Variants in NDUFA5 observed in about 807,000 individuals in gnomAD.
The protein encoded by NDUFA5 is NADH dehydrogenase [ubiquinone] 1 alpha subcomplex subunit 5.
A neutral mutation model predicts 19.8 loss-of-function variants in NDUFA5; 11 were observed. That is an observed-to-expected ratio of 0.56 (90% CI 0.35 to 0.92). NDUFA5 has a LOEUF of 0.92. Among genes scored for constraint, NDUFA5 ranks in the 40% least tolerant of loss-of-function variants. The pLI is 0.01. For missense variants in NDUFA5, 109 were observed against 134.2 expected, an observed-to-expected ratio of 0.81 and a Z score of 0.93; for synonymous variants, 47 against 46.8, an observed-to-expected ratio of 1.00 and a Z score of -0.01.
upstream of NDUFA5, among the ~76,000 whole-genome samples, chr7:123,561,787 G>A (rs1306494434): frequency 4.6e-5 from 7 of 151,860 alleles, no homozygotes; most frequent in Admixed American, 4.6e-4. Context: ...TAGTAGAGAC[G>A]GGGTTTCACC....
chr7:123,540,260 T>C lies in NDUFA5; in HGVS notation c.*1859A>G, dbSNP rs1797882326. On this transcript the variant is annotated 3_prime_UTR_variant, in exon 5 of 5. Coordinates refer to ENST00000355749, the MANE Select transcript of NDUFA5 (RefSeq NM_005000.5). Reference sequence around the variant, plus strand: ...AGTCTCAACAAACATTAGCTATTATTGTTATAATATTATTTTTACAATGAC... The same window carrying C: ...AGTCTCAACAAACATTAGCTATTATCGTTATAATATTATTTTTACAATGAC... The C allele has an allele frequency of 6.6e-6, 1 of 152,176 alleles. No individual in the cohort carries two copies. Among genetic ancestry groups the C allele is most frequent in the African/African-American group, 2.4e-5 (1 of 41,436 alleles). The allele number at this position is 152,176 out of a possible 1,614,324, so 9.4% of individuals were successfully genotyped here.
chr7:123,584,029 A>C, the NDUFA5 span, among the ~76,000 whole-genome samples: 3 of 151,844 alleles, frequency 2.0e-5, no homozygotes, highest in East Asian at 3.9e-4. Flanking sequence ...TCCCTTAAAC[A>C]TCTCTATTTT....
At chr7:123,579,659 A>G in the NDUFA5 span, among the ~76,000 whole-genome samples, 5 of 152,096 alleles carry the variant, frequency 3.3e-5, no homozygotes, top group Admixed American at 1.3e-4. Flanking sequence ...GCAAATCTAT[A>G]ACTCCTTCTG....
the NDUFA5 span, among the ~76,000 whole-genome samples, chr7:123,597,294 A>G: frequency 6.6e-6 from 1 of 152,214 alleles, no homozygotes; most frequent in African/African-American, 2.4e-5. Flanking sequence ...CAGATCAATC[A>G]TGATGGTATC....
chr7:123,597,692 G>C, the NDUFA5 span, among the ~76,000 whole-genome samples: 2 of 152,140 alleles, frequency 1.3e-5, no homozygotes, highest in Admixed American at 6.6e-5. Context: ...ATTAGAAGAC[G>C]TGGTGGCACA....
the NDUFA5 span, among the ~76,000 whole-genome samples, chr7:123,593,331 T>C: frequency 3.3e-5 from 5 of 152,194 alleles, no homozygotes; most frequent in Non-Finnish European, 4.4e-5. Context: ...TAGCTGGTTA[T>C]TTTGCCCGTT....
chr7:123,538,925 A>T lies in NDUFA5; in HGVS notation c.*3194T>A, dbSNP rs937817652. 8 of 152,266 alleles carry T rather than the reference A, an allele frequency of 5.3e-5. No homozygotes were observed. The highest frequency in any genetic ancestry group is 1.9e-4 in the African/African-American group (8 of 41,468). 9.4% of individuals were successfully genotyped at this position (152,266 alleles called of 1,614,324 possible). A position where few individuals can be genotyped will look rare whatever the true frequency, so the allele number is the denominator to read the frequency against. On this transcript the variant is annotated 3_prime_UTR_variant, in exon 5 of 5. Coordinates refer to ENST00000355749, the MANE Select transcript of NDUFA5 (RefSeq NM_005000.5). ...TCCCTTTTAAAAAAGATACATTCAT[A>T]AACATTGTTATTGGCTTAATTAGCT... is the stretch of plus-strand genomic sequence containing the variant.
In NDUFA5 at chr7:123,540,379, T is replaced by G. The variant is rs1193182310; in HGVS notation, c.*1740A>C. 6.6e-6 allele frequency: 1 copy of G among 152,116 alleles called. No homozygotes were observed. The highest frequency in any genetic ancestry group is 1.5e-5 in the Non-Finnish European group (1 of 68,010). The allele number at this position is 152,116 out of a possible 1,614,324, so 9.4% of individuals were successfully genotyped here. A position where few individuals can be genotyped will look rare whatever the true frequency, so the allele number is the denominator to read the frequency against. On this transcript the variant is annotated 3_prime_UTR_variant, in exon 5 of 5. Coordinates refer to ENST00000355749, the MANE Select transcript of NDUFA5 (RefSeq NM_005000.5). ...AACACTGTTGGTGAAACATAAAAGATGCCCAAGAATCATGGCAGATACGGG... is the reference window on the plus strand; with the variant it reads ...AACACTGTTGGTGAAACATAAAAGAGGCCCAAGAATCATGGCAGATACGGG...
the NDUFA5 span, among the ~76,000 whole-genome samples, chr7:123,585,624 A>C: frequency 6.8e-6 from 1 of 145,996 alleles, no homozygotes; most frequent in Non-Finnish European, 1.5e-5. Flanking sequence ...ATCACCTTAC[A>C]TAGTTACTAT....
At chr7:123,591,033 T>A in the NDUFA5 span, among the ~76,000 whole-genome samples, 4 of 152,176 alleles carry the variant, frequency 2.6e-5, no homozygotes, top group Non-Finnish European at 4.4e-5. Context: ...TAAGGTGGAT[T>A]CCTAGGTATT....
At chr7:123,570,040 T>C in the NDUFA5 span, among the ~76,000 whole-genome samples, 1 of 144,718 alleles carries the variant, frequency 6.9e-6, no homozygotes. Context: ...TTTTTTTTTT[T>C]TTTTTTTTTT....
intron 3 of NDUFA5, chr7:123,550,162 G>C: frequency 5.0e-6 from 1 of 200,786 alleles, no homozygotes. Flanking sequence ...GATCAAGATT[G>C]ATATATCCAA....
chr7:123,584,274 T>A, the NDUFA5 span, among the ~76,000 whole-genome samples: 1 of 131,990 alleles, frequency 7.6e-6, no homozygotes, highest in African/African-American at 3.0e-5. Context: ...ATCGTGCCAC[T>A]GCACTCAGCC....
chr7:123,546,947 C>T (rs2116092371), intron 3 of NDUFA5: 1 of 372,006 alleles, frequency 2.7e-6, no homozygotes, highest in Non-Finnish European at 5.2e-6. Context: ...CTGAATTATC[C>T]ATATAGTCCC....
At chr7:123,565,396 TACACACACACAC>T in the NDUFA5 span, among the ~76,000 whole-genome samples, 3 of 148,250 alleles carry the variant, frequency 2.0e-5, no homozygotes, top group African/African-American at 5.0e-5. Flanking sequence ...TAGCTTATAA[TACACACACACAC>T]ACACACACAC....
At position 123,540,187 on chromosome 7, in the gene NDUFA5, G is replaced by A. The variant is rs758439299; in HGVS notation, c.*1932C>T. The A allele has an allele frequency of 1.3e-5, 2 of 152,150 alleles. No homozygotes were observed. Among genetic ancestry groups the A allele is most frequent in the Non-Finnish European group, 2.9e-5 (2 of 68,024 alleles). 9.4% of individuals were successfully genotyped at this position (152,150 alleles called of 1,614,324 possible). A position where few individuals can be genotyped will look rare whatever the true frequency, so the allele number is the denominator to read the frequency against. On this transcript the variant is annotated 3_prime_UTR_variant, in exon 5 of 5. Coordinates refer to ENST00000355749, the MANE Select transcript of NDUFA5 (RefSeq NM_005000.5). ...CTTAGGGTTGTAGTGCAGGTTTAAT[G>A]AGTGAAATTAGTCAGGTACTTATGA... is the stretch of plus-strand genomic sequence containing the variant.
chr7:123,579,287 A>G, the NDUFA5 span, among the ~76,000 whole-genome samples: 2 of 151,744 alleles, frequency 1.3e-5, no homozygotes, highest in Non-Finnish European at 2.9e-5. Context: ...CATTTTCTTT[A>G]TAAGTGTAAT....
chr7:123,559,139 C>T (rs748946064), upstream of NDUFA5, among the ~76,000 whole-genome samples: 2 of 151,728 alleles, frequency 1.3e-5, no homozygotes, highest in Admixed American at 6.6e-5. Flanking sequence ...TCACTAATAG[C>T]CTTGCTGAAA....
At chr7:123,559,833 G>A (rs1798666142), upstream of NDUFA5, among the ~76,000 whole-genome samples, 1 of 145,980 alleles carries the variant, frequency 6.9e-6, no homozygotes, top group Non-Finnish European at 1.5e-5. Flanking sequence ...TCTAGCCTGG[G>A]TGACAGAGCA....
Sources: allele counts gnomAD v4.1 joint callset (sites outside exome capture counted in the v4.1 genomes callset), GRCh38; gene constraint gnomAD v4.1.1; transcripts MANE v1.5; gene names NCBI Gene and HGNC (gene_info 2026-07-23, HGNC 2026-07-21).